The following RPS6KA2 variants were observed in gnomAD, a reference collection of about 807,000 sequenced individuals.
The protein encoded by RPS6KA2 is ribosomal protein S6 kinase A2, also known as ribosomal protein S6 kinase alpha-2.
Under a neutral mutation model 91.8 loss-of-function variants are expected in RPS6KA2, and 42 were observed. The observed-to-expected ratio is 0.46, with a 90% confidence interval of 0.36 to 0.59. The LOEUF is 0.59. Ranked by LOEUF, RPS6KA2 falls within the 20% of genes least tolerant of loss-of-function variation. RPS6KA2 has a pLI of 0.00. For missense variants in RPS6KA2, 798 were observed against 978.5 expected, an observed-to-expected ratio of 0.82 and a Z score of 2.46; for synonymous variants, 414 against 393.6, an observed-to-expected ratio of 1.05 and a Z score of -0.61.
At chr6:166,588,732 C>T in intron 1 of RPS6KA2, among the ~76,000 whole-genome samples, 1 of 152,212 alleles carries the variant, frequency 6.6e-6, no homozygotes, top group South Asian at 2.1e-4. Flanking sequence ...GCTACTCTGC[C>T]CTGATGATGG....
chr6:166,579,978 G>T (rs966103892), intron 1 of RPS6KA2, among the ~76,000 whole-genome samples: 1 of 152,172 alleles, frequency 6.6e-6, no homozygotes, highest in Non-Finnish European at 1.5e-5. Flanking sequence ...TCCTAACTGC[G>T]ACCTTTAGAA....
intron 1 of RPS6KA2, among the ~76,000 whole-genome samples, chr6:166,616,124 G>A (rs934103382): frequency 3.3e-5 from 5 of 152,116 alleles, no homozygotes; most frequent in African/African-American, 1.2e-4. Flanking sequence ...ACCACACCCC[G>A]GCTGACCTGC....
rs755435406 is a variant in RPS6KA2 at position 166,666,505 on chromosome 6, C to A, written c.124-127721G>T. The stretch of plus-strand genomic sequence containing the variant: ...AAGAAGCATATGGAAAGATGCTCAA[C>A]GCCAGTCACTAATCCTTAGGGAAAT... On this transcript the variant is annotated intron_variant, in intron 2 of 21. Transcript: ENST00000503859. The surrounding 1 kb of genome is among the most constrained non-coding windows in gnomAD (Gnocchi z 4.0). Among the ~76,000 whole-genome samples the A allele has an allele frequency of 1.1e-4, 16 of 152,196 alleles. No homozygotes were observed. Among genetic ancestry groups the A allele is most frequent in the Non-Finnish European group, 1.8e-4 (12 of 68,026 alleles).
chr6:166,772,012 C>T (rs1397175506), intron 2 of RPS6KA2, among the ~76,000 whole-genome samples: 1 of 149,418 alleles, frequency 6.7e-6, no homozygotes, highest in Non-Finnish European at 1.5e-5. Flanking sequence ...AGAATCATAG[C>T]TCTGTTTGTT....
chr6:166,431,892 T>A (rs1028454093), intron 15 of RPS6KA2, among the ~76,000 whole-genome samples: 24 of 152,070 alleles, frequency 1.6e-4, no homozygotes, highest in African/African-American at 5.6e-4. Flanking sequence ...CCTCCCAAAG[T>A]GCTGGGATTA....
chr6:166,787,911 T>C (rs1255061186), intron 2 of RPS6KA2, among the ~76,000 whole-genome samples: 2 of 149,804 alleles, frequency 1.3e-5, no homozygotes, highest in East Asian at 1.9e-4. Flanking sequence ...GAGAACATAT[T>C]TGCAATCTAC....
intron 2 of RPS6KA2, among the ~76,000 whole-genome samples, chr6:166,775,242 T>C (rs1778583061): frequency 6.6e-6 from 1 of 151,342 alleles, no homozygotes; most frequent in Non-Finnish European, 1.5e-5. Flanking sequence ...AAATACACAC[T>C]CATTGAAAGC....
At chr6:166,746,611 G>C in intron 2 of RPS6KA2, among the ~76,000 whole-genome samples, 1 of 152,218 alleles carries the variant, frequency 6.6e-6, no homozygotes, top group Admixed American at 6.5e-5. Flanking sequence ...GTCCCAGAAG[G>C]CTACCCCTCA....
chr6:166,624,047 A>G (rs906690988), intron 1 of RPS6KA2, among the ~76,000 whole-genome samples: 1 of 152,084 alleles, frequency 6.6e-6, no homozygotes, highest in Non-Finnish European at 1.5e-5. Flanking sequence ...AAAAGAGAGG[A>G]AAAAAAAGAA....
At chr6:166,823,434 AGTGTGTGTGTGT>A (rs56187218) in intron 2 of RPS6KA2, among the ~76,000 whole-genome samples, 104 of 148,090 alleles carry the variant, frequency 7.0e-4, no homozygotes, top group Non-Finnish European at 9.1e-4. Context: ...TTGGTTTTGC[AGTGTGTGTGTGT>A]GTGTGTGTGT....
chr6:166,423,346 T>A lies in RPS6KA2; in HGVS notation c.1653A>T (p.Arg551=). 6.2e-7 allele frequency: 1 copy of A among 1,614,190 alleles called. No individual in the cohort carries two copies. The part of the protein sequence containing the change: ...RDESGSPESI[R]VCDFGFAKQL... ...GCTTGGCAAAGCCGAAGTCGCAGAC[T>A]CGGATGGATTCTGGGCTCCCCGACT... The change falls in exon 17 of 21, where the codon CGA becomes CGT. Residue 551 remains arginine, a synonymous_variant. Coordinates refer to ENST00000265678, the MANE Select transcript of RPS6KA2 (RefSeq NM_021135.6). The surrounding 1 kb of genome is among the most constrained non-coding windows in gnomAD (Gnocchi z 4.8).
rs111741978 is a variant in RPS6KA2, at chr6:166,604,554, G to C, written c.99+22367C>G. On this transcript the variant is annotated intron_variant, in intron 1 of 20. Coordinates refer to ENST00000265678, the MANE Select transcript of RPS6KA2 (RefSeq NM_021135.6). ...GCGGGGCCATCCCCAGCTGGGGGAG[G>C]TGGCATCCAGGCACCTCATATGCCG... is the stretch of plus-strand genomic sequence containing the variant. Among the ~76,000 whole-genome samples, 144 of 152,332 alleles carry C rather than the reference G, an allele frequency of 9.5e-4. 1 individual carries two copies. Among genetic ancestry groups the C allele is most frequent in the African/African-American group, 3.3e-3 (138 of 41,572 alleles).
At chr6:166,855,432 A>AGAG (rs1191224032) in intron 2 of RPS6KA2, among the ~76,000 whole-genome samples, 5 of 19,992 alleles carry the variant, frequency 2.5e-4, no homozygotes, top group East Asian at 3.6e-3. Context: ...AAGAAGAGGA[A>AGAG]GAAGAGGAAG....
rs1781724337 is a variant in RPS6KA2, at chr6:166,494,779, T to A, written c.747+3729A>T. 6.6e-6 allele frequency among the ~76,000 whole-genome samples: 1 copy of A among 152,112 alleles called. No individual in the cohort carries two copies. Among genetic ancestry groups the A allele is most frequent in the Non-Finnish European group, 1.5e-5 (1 of 68,026 alleles). Reference sequence around the variant, plus strand: ...GTGGATGCTGCTCCTCGGGAAGAGATCCCAGCACACATCCACCTCCAGGGG... The same window carrying A: ...GTGGATGCTGCTCCTCGGGAAGAGAACCCAGCACACATCCACCTCCAGGGG... On this transcript the variant is annotated intron_variant, in intron 8 of 20. Coordinates refer to ENST00000265678, the MANE Select transcript of RPS6KA2 (RefSeq NM_021135.6). This position sits in a 1 kb window ranked among gnomAD's most constrained non-coding sequence, Gnocchi z 5.1.
chr6:166,597,209 T>C (rs1341854315), intron 1 of RPS6KA2, among the ~76,000 whole-genome samples: 1 of 152,108 alleles, frequency 6.6e-6, no homozygotes, highest in African/African-American at 2.4e-5. Context: ...GGCTACGGGA[T>C]AAGTCGAAAG....
intron 1 of RPS6KA2, among the ~76,000 whole-genome samples, chr6:166,564,056 G>A (rs1784421646): frequency 6.6e-6 from 1 of 152,192 alleles, no homozygotes; most frequent in African/African-American, 2.4e-5. Flanking sequence ...TGGACAACCT[G>A]CTGTGGATAA....
intron 2 of RPS6KA2, among the ~76,000 whole-genome samples, chr6:166,660,414 G>A (rs1212337406): frequency 6.6e-6 from 1 of 151,822 alleles, no homozygotes; most frequent in East Asian, 1.9e-4. Context: ...GTGTGTGTGT[G>A]TGTGTGTGAG....
chr6:166,468,856 T>TCCATCTCCAAAAAAAA (rs567161437), intron 11 of RPS6KA2, among the ~76,000 whole-genome samples: 1 of 112,184 alleles, frequency 8.9e-6, no homozygotes, highest in African/African-American at 3.9e-5. Context: ...AGAGCGAGAC[T>TCCATCTCCAAAAAAAA]AAAAAAAAAA....
intron 10 of RPS6KA2, among the ~76,000 whole-genome samples, chr6:166,478,010 A>C (rs1460360025): frequency 6.6e-6 from 1 of 152,204 alleles, no homozygotes. Flanking sequence ...TGGATGAATA[A>C]ATACGTCCAG....
Sources: allele counts gnomAD v4.1 joint callset (sites outside exome capture counted in the v4.1 genomes callset), GRCh38; gene constraint gnomAD v4.1.1; non-coding constraint Gnocchi (gnomAD v3.1); transcripts MANE v1.5; gene names NCBI Gene and HGNC (gene_info 2026-07-23, HGNC 2026-07-21).